CACNA1E: variants seen among roughly 807,000 people sequenced by gnomAD.
CACNA1E encodes calcium voltage-gated channel subunit alpha1 E, also known as voltage-dependent R-type calcium channel subunit alpha-1E.
In CACNA1E, 40 loss-of-function variants were observed where a neutral mutation model predicts 259.2. That is an observed-to-expected ratio of 0.15 (90% CI 0.12 to 0.20). The LOEUF is 0.20. Ranked by LOEUF, CACNA1E falls within the 10% of genes least tolerant of loss-of-function variation. The pLI, the probability that CACNA1E is intolerant of heterozygous loss-of-function variation, is 1.00. For missense variants in CACNA1E, 1,874 were observed against 3,040.1 expected (o/e 0.62, Z 9.02); for synonymous variants, 1,104 against 1,138.5 (o/e 0.97, Z 0.61).
At chr1:181,566,411 T>C (rs1649828000) in intron 3 of CACNA1E, among the ~76,000 whole-genome samples, 1 of 152,242 alleles carries the variant, frequency 6.6e-6, no homozygotes, top group Non-Finnish European at 1.5e-5. Flanking sequence ...CACCTGGGCC[T>C]GAATGACAGA....
chr1:181,583,163 G>A (rs147747732), intron 6 of CACNA1E, among the ~76,000 whole-genome samples: 50 of 151,390 alleles, frequency 3.3e-4, no homozygotes, highest in Non-Finnish European at 5.7e-4. Flanking sequence ...CACTGGTTGC[G>A]TACCATGAAG....
At chr1:181,743,119 T>G (rs1403808078) in intron 25 of CACNA1E, among the ~76,000 whole-genome samples, 1 of 152,148 alleles carries the variant, frequency 6.6e-6, no homozygotes, top group Non-Finnish European at 1.5e-5. Flanking sequence ...TGGGCAGAGT[T>G]TTGGCAAAGG....
rs181273484 is a variant in CACNA1E at position 181,801,521 on chromosome 1, G to A, written c.*2687G>A. The A allele has an allele frequency of 6.6e-6, 1 of 152,166 alleles. No homozygotes were observed. Among genetic ancestry groups the A allele is most frequent in the African/African-American group, 2.4e-5 (1 of 41,492 alleles). The allele number at this position is 152,166 out of a possible 1,614,324, so 9.4% of individuals were successfully genotyped here. On this transcript the variant is annotated 3_prime_UTR_variant, in exon 48 of 48. Coordinates refer to ENST00000367573, the MANE Select transcript of CACNA1E (RefSeq NM_001205293.3). ...AAGAAATTGGGTTTCTTTTCCCTCA[G>A]CCTGCACTTACTCTTCTATTAAGAC... is the stretch of plus-strand genomic sequence containing the variant.
chr1:181,766,297 G>A (rs1022237489), intron 34 of CACNA1E, among the ~76,000 whole-genome samples: 12 of 152,206 alleles, frequency 7.9e-5, no homozygotes, highest in African/African-American at 2.9e-4. Context: ...ACATTTATGG[G>A]TGAGTGAATC....
chr1:181,690,534 G>A (rs1049731913), intron 7 of CACNA1E, among the ~76,000 whole-genome samples: 1 of 152,096 alleles, frequency 6.6e-6, no homozygotes, highest in Admixed American at 6.5e-5. Context: ...TAGCTTGATG[G>A]GGATAGCATT....
intron 7 of CACNA1E, among the ~76,000 whole-genome samples, chr1:181,693,439 T>C (rs922030940): frequency 1.4e-4 from 21 of 152,098 alleles, no homozygotes; most frequent in African/African-American, 5.1e-4. Flanking sequence ...ATAAAGAAAA[T>C]GTGGTACATA....
At chr1:181,542,772 G>A (rs1668694626) in intron 3 of CACNA1E, among the ~76,000 whole-genome samples, 1 of 151,544 alleles carries the variant, frequency 6.6e-6, no homozygotes, top group Non-Finnish European at 1.5e-5. Context: ...GACTAATACA[G>A]TGGCATGCCT....
intron 6 of CACNA1E, among the ~76,000 whole-genome samples, chr1:181,631,507 T>C (rs932285989): frequency 6.6e-6 from 1 of 152,010 alleles, no homozygotes; most frequent in Non-Finnish European, 1.5e-5. Flanking sequence ...GCTCTGAGCA[T>C]AGGTGGTGTT....
At position 181,488,849 on chromosome 1, in the gene CACNA1E, T is replaced by A. The variant is rs184224906; in HGVS notation, c.266+4839T>A. Among the ~76,000 whole-genome samples, 8 of 152,262 alleles carry A rather than the reference T, an allele frequency of 5.3e-5. No individual in the cohort carries two copies. The East Asian group carries it at 1.5e-3, about 29-fold the overall frequency. ...CCAGACTCTGAAATTATTAGCTCCATCCAAAATTACTTATCTCTTTATAGC... is the reference window on the plus strand; with the variant it reads ...CCAGACTCTGAAATTATTAGCTCCAACCAAAATTACTTATCTCTTTATAGC... On this transcript the variant is annotated intron_variant, in intron 1 of 47. Coordinates refer to ENST00000367573, the MANE Select transcript of CACNA1E (RefSeq NM_001205293.3).
At chr1:181,688,052 T>A in intron 7 of CACNA1E, among the ~76,000 whole-genome samples, 1 of 152,146 alleles carries the variant, frequency 6.6e-6, no homozygotes, top group East Asian at 1.9e-4. Context: ...TATATATATA[T>A]TACATATGGT....
chr1:181,325,133 A>G (rs1388765900), intron 1 of CACNA1E, among the ~76,000 whole-genome samples: 1 of 152,132 alleles, frequency 6.6e-6, no homozygotes, highest in Non-Finnish European at 1.5e-5. Flanking sequence ...CTGCCGGAAG[A>G]GTTGAGTCAA....
chr1:181,591,012 G>A (rs2103023118), intron 6 of CACNA1E, among the ~76,000 whole-genome samples: 1 of 152,276 alleles, frequency 6.6e-6, no homozygotes, highest in African/African-American at 2.4e-5. Context: ...TGGGGGAAAA[G>A]CTACTGCTTT....
chr1:181,547,667 G>T (rs766311639), intron 3 of CACNA1E, among the ~76,000 whole-genome samples: 1 of 152,256 alleles, frequency 6.6e-6, no homozygotes, highest in African/African-American at 2.4e-5. Flanking sequence ...TGACTGGGAT[G>T]TTGTCATCAA....
At chr1:181,705,755 G>T (rs3845444) in intron 7 of CACNA1E, among the ~76,000 whole-genome samples, 103,773 of 151,998 alleles carry the variant, frequency 0.68, 35,596 homozygotes, top group East Asian at 0.79. Flanking sequence ...TGGGAATCTA[G>T]TCAGGACTCT....
At chr1:181,505,575 C>T (rs1054867641) in intron 1 of CACNA1E, among the ~76,000 whole-genome samples, 3 of 151,998 alleles carry the variant, frequency 2.0e-5, no homozygotes, top group East Asian at 1.9e-4. Flanking sequence ...GGGGTTTCAC[C>T]GTGTTAGCCA....
chr1:181,646,497 G>C lies in CACNA1E; in HGVS notation c.952-4841G>C, dbSNP rs957511499. On this transcript the variant is annotated intron_variant, in intron 6 of 47. Coordinates refer to ENST00000367573, the MANE Select transcript of CACNA1E (RefSeq NM_001205293.3). Reference sequence around the variant, plus strand: ...TGCTTCTGAAAGGACCATGGAATCAGCATCTGCCTTACTCCCAGCCCCAAC... The same window carrying C: ...TGCTTCTGAAAGGACCATGGAATCACCATCTGCCTTACTCCCAGCCCCAAC... 1.1e-4 allele frequency among the ~76,000 whole-genome samples: 16 copies of C among 152,140 alleles called. No homozygotes were observed. In the South Asian group the frequency reaches 3.3e-3, roughly 31 times the overall value.
intron 2 of CACNA1E, among the ~76,000 whole-genome samples, chr1:181,456,325 C>T (rs1262681179): frequency 6.6e-6 from 1 of 152,016 alleles, no homozygotes; most frequent in Non-Finnish European, 1.5e-5. Flanking sequence ...GAGAACATAC[C>T]ATTTGTGTCT....
At chr1:181,370,869 G>A (rs751683784) in intron 1 of CACNA1E, among the ~76,000 whole-genome samples, 5 of 152,156 alleles carry the variant, frequency 3.3e-5, no homozygotes, top group Admixed American at 6.5e-5. Flanking sequence ...CACTGTGGCT[G>A]AGCTAATTTA....
chr1:181,369,620 C>T (rs1654536829), intron 1 of CACNA1E, among the ~76,000 whole-genome samples: 1 of 152,146 alleles, frequency 6.6e-6, no homozygotes, highest in Non-Finnish European at 1.5e-5. Context: ...AACCAAGGGG[C>T]TCCAGCTGCT....
Sources: allele counts gnomAD v4.1 joint callset (sites outside exome capture counted in the v4.1 genomes callset), GRCh38; gene constraint gnomAD v4.1.1; transcripts MANE v1.5; gene names NCBI Gene and HGNC (gene_info 2026-07-23, HGNC 2026-07-21).